MTUS2: variants seen among roughly 807,000 people sequenced by gnomAD.
The protein encoded by MTUS2 is microtubule-associated tumor suppressor candidate 2.
MTUS2 carries 40 observed loss-of-function variants against 114.1 expected under a neutral mutation model. That is an observed-to-expected ratio of 0.35 (90% confidence interval 0.27 to 0.46). The LOEUF is 0.46. Ranked by LOEUF, MTUS2 falls within the 20% of genes least tolerant of loss-of-function variation. MTUS2 has a pLI of 1.00. For missense variants in MTUS2, 1,679 were observed against 1,705.4 expected (o/e 0.98, Z 0.27); for synonymous variants, 688 against 672.0 (o/e 1.02, Z -0.37).
chr13:28,917,097 A>G (rs1046484858), intron 2 of MTUS2, among the ~76,000 whole-genome samples: 3 of 151,946 alleles, frequency 2.0e-5, no homozygotes, highest in South Asian at 2.1e-4. Context: ...CCATCCTTGT[A>G]TCTCAGGAAT....
chr13:28,894,290 GA>G (rs1442406468), intron 2 of MTUS2, among the ~76,000 whole-genome samples: 318 of 6,790 alleles, frequency 0.047, 16 homozygotes, highest in African/African-American at 0.15. Context: ...GGGGGGGGGG[GA>G]GAGAGAGAGA....
At chr13:29,067,543 C>T (rs1888718354) in intron 4 of MTUS2, among the ~76,000 whole-genome samples, 1 of 152,074 alleles carries the variant, frequency 6.6e-6, no homozygotes, top group Non-Finnish European at 1.5e-5. Flanking sequence ...GTGGAAGTCA[C>T]ATATTAATTA....
intron 9 of MTUS2, among the ~76,000 whole-genome samples, chr13:29,469,852 A>T (rs1045552039): frequency 2.6e-5 from 4 of 151,868 alleles, no homozygotes; most frequent in Non-Finnish European, 4.4e-5. Context: ...TTTTTAAAAA[A>T]AAAAGAAAGA....
At chr13:29,312,933 T>C (rs1439516276) in intron 6 of MTUS2, among the ~76,000 whole-genome samples, 2 of 152,184 alleles carry the variant, frequency 1.3e-5, no homozygotes, top group Non-Finnish European at 2.9e-5. Flanking sequence ...TATTTCAAAA[T>C]GTCAGGAATT....
At chr13:29,171,765 A>C (rs1893571676) in intron 5 of MTUS2, among the ~76,000 whole-genome samples, 1 of 152,188 alleles carries the variant, frequency 6.6e-6, no homozygotes, top group Admixed American at 6.5e-5. Flanking sequence ...TTCTCTACCA[A>C]CTGTAGTTCA....
chr13:29,159,775 TAAAAC>T (rs1461339718), intron 5 of MTUS2, among the ~76,000 whole-genome samples: 1 of 152,010 alleles, frequency 6.6e-6, no homozygotes, highest in Non-Finnish European at 1.5e-5. Context: ...AAATGCAAAT[TAAAAC>T]AACAATGTGA....
chr13:28,897,030 A>C lies in MTUS2; in HGVS notation c.-243+57180A>C, dbSNP rs749276036. ...GTCTAAAACACCAAAAGCAATGGCA[A>C]CAAAAGCCAAAATTGACAAATGGGA... On this transcript the variant is annotated intron_variant, in intron 2 of 15. Transcript: ENST00000612955. 7.2e-5 allele frequency among the ~76,000 whole-genome samples: 11 copies of C among 152,232 alleles called. 1 individual carries two copies. The highest frequency in any genetic ancestry group is 2.9e-5 in the Non-Finnish European group (2 of 68,034).
At position 29,303,798 on chromosome 13, in the gene MTUS2, A is replaced by C. The variant is rs140247805; in HGVS notation, c.2807-20815A>C. On this transcript the variant is annotated intron_variant, in intron 6 of 15. Transcript: ENST00000612955. ...AGGAAATGCAGAGAATCCCAGTAAG[A>C]TACTCCATGAGAAGATCAACCCCAA... Among the ~76,000 whole-genome samples the C allele has an allele frequency of 7.0e-3, 1,071 of 152,294 alleles. 8 individuals carry two copies. The highest frequency in any genetic ancestry group is 0.011 in the Non-Finnish European group (778 of 68,010).
intron 8 of MTUS2, among the ~76,000 whole-genome samples, chr13:29,388,698 T>G (rs1420285248): frequency 6.6e-6 from 1 of 151,526 alleles, no homozygotes. Flanking sequence ...AAATTTAAAA[T>G]AAAAAAAATT....
intron 6 of MTUS2, among the ~76,000 whole-genome samples, chr13:29,307,944 C>A (rs1370137967): frequency 6.6e-6 from 1 of 152,128 alleles, no homozygotes; most frequent in Non-Finnish European, 1.5e-5. Context: ...CCCACCTTGT[C>A]ATGTACCATC....
intron 7 of MTUS2, among the ~76,000 whole-genome samples, chr13:29,335,048 G>T (rs1213020165): frequency 1.3e-5 from 2 of 152,196 alleles, no homozygotes; most frequent in African/African-American, 4.8e-5. Context: ...CAGGGAACAA[G>T]GGAGATAACC....
chr13:29,137,225 T>A (rs1892016507), intron 5 of MTUS2, among the ~76,000 whole-genome samples: 1 of 152,208 alleles, frequency 6.6e-6, no homozygotes, highest in South Asian at 2.1e-4. Context: ...CTGCTGATAA[T>A]CTTATTGAGG....
intron 2 of MTUS2, among the ~76,000 whole-genome samples, chr13:28,887,990 AC>A (rs1878690060): frequency 6.6e-6 from 1 of 152,144 alleles, no homozygotes; most frequent in Non-Finnish European, 1.5e-5. Context: ...TGTCTCAGAC[AC>A]CTTTTCTACC....
chr13:28,840,425 C>G (rs948723612), intron 2 of MTUS2, among the ~76,000 whole-genome samples: 7 of 152,202 alleles, frequency 4.6e-5, no homozygotes, highest in Non-Finnish European at 8.8e-5. Flanking sequence ...ACGCTTTGTG[C>G]AAATTAGACA....
intron 2 of MTUS2, among the ~76,000 whole-genome samples, chr13:28,876,093 G>A (rs373370860): frequency 1.3e-5 from 2 of 152,136 alleles, no homozygotes; most frequent in Non-Finnish European, 2.9e-5. Flanking sequence ...CTTTGCCTCT[G>A]CCTTTCTTCT....
At chr13:29,267,731 A>G (rs1897720319) in intron 5 of MTUS2, among the ~76,000 whole-genome samples, 1 of 152,068 alleles carries the variant, frequency 6.6e-6, no homozygotes, top group Admixed American at 6.5e-5. Context: ...GAAGCCCCTA[A>G]AGGAGAGGGT....
intron 4 of MTUS2, among the ~76,000 whole-genome samples, chr13:29,070,193 A>G (rs753005900): frequency 6.6e-5 from 10 of 152,028 alleles, no homozygotes. Flanking sequence ...CTGCCTCTGA[A>G]ATTTTCAATT....
In MTUS2 at chr13:29,056,882, A is replaced by G. The variant is rs140774320; in HGVS notation, c.2446+22757A>G. ...GGGGTTGGTTTGGTCTTGTTTCTGT[A>G]GTTCCTCTAGGTGTGATGTTAGGTT... On this transcript the variant is annotated intron_variant, in intron 4 of 15. Coordinates refer to ENST00000612955, the MANE Select transcript of MTUS2 (RefSeq NM_001033602.4). Among the ~76,000 whole-genome samples the G allele has an allele frequency of 3.0e-3, 449 of 152,038 alleles. 3 individuals carry two copies. Among genetic ancestry groups the G allele is most frequent in the African/African-American group, 0.01 (423 of 41,494 alleles).
intron 5 of MTUS2, among the ~76,000 whole-genome samples, chr13:29,126,987 G>C (rs1891546609): frequency 6.6e-6 from 1 of 152,212 alleles, no homozygotes; most frequent in Admixed American, 6.5e-5. Flanking sequence ...TCAGTGCTCT[G>C]ATCACCAGCC....
Sources: gnomAD v4.1 joint callset for allele counts (sites outside exome capture counted in the v4.1 genomes callset) on GRCh38, gnomAD v4.1.1 for gene constraint, MANE v1.5 for transcripts, NCBI Gene and HGNC (gene_info 2026-07-23, HGNC 2026-07-21) for gene names.